GTF2F2: variants seen among roughly 807,000 people sequenced by gnomAD.
GTF2F2 encodes the protein general transcription factor IIF subunit 2.
Under a neutral mutation model 42.2 loss-of-function variants are expected in GTF2F2, and 23 were observed. That is an observed-to-expected ratio of 0.55 (90% CI 0.39 to 0.77). GTF2F2 has a LOEUF of 0.77. Ranked by LOEUF, GTF2F2 falls within the 30% of genes least tolerant of loss-of-function variation. The probability of loss-of-function intolerance (pLI) is 0.00; values close to 1 mark genes in which losing one functional copy is unlikely to be tolerated. For missense variants in GTF2F2, 261 were observed against 287.2 expected (o/e 0.91, Z 0.66); for synonymous variants, 105 against 100.8 (o/e 1.04, Z -0.25).
At chr13:45,191,255 A>ATATATGGC (rs1260872563) in intron 4 of GTF2F2, among the ~76,000 whole-genome samples, 5 of 136,530 alleles carry the variant, frequency 3.7e-5, no homozygotes, top group African/African-American at 1.2e-4. Flanking sequence ...ATATATATAT[A>ATATATGGC]GCCATAATCT....
At chr13:45,173,520 C>T (rs1871702133) in intron 4 of GTF2F2, among the ~76,000 whole-genome samples, 1 of 151,972 alleles carries the variant, frequency 6.6e-6, no homozygotes, top group Non-Finnish European at 1.5e-5. Flanking sequence ...GTGCCACCTT[C>T]CTCCTAACCA....
intron 4 of GTF2F2, among the ~76,000 whole-genome samples, chr13:45,202,133 TC>T (rs1273187524): frequency 6.6e-6 from 1 of 152,160 alleles, no homozygotes; most frequent in Non-Finnish European, 1.5e-5. Flanking sequence ...ACACCTGTAA[TC>T]CTAGCACTTT....
intron 6 of GTF2F2, among the ~76,000 whole-genome samples, chr13:45,259,727 G>C (rs927193892): frequency 7.3e-6 from 1 of 137,466 alleles, no homozygotes; most frequent in Non-Finnish European, 1.5e-5. Flanking sequence ...GCACAATCTC[G>C]GCTCACTGCA....
intron 2 of GTF2F2, among the ~76,000 whole-genome samples, chr13:45,146,272 G>T (rs1158967039): frequency 1.3e-5 from 2 of 152,144 alleles, no homozygotes; most frequent in African/African-American, 2.4e-5. Flanking sequence ...AAGGCAGGAG[G>T]ATCACTTGAG....
intron 5 of GTF2F2, among the ~76,000 whole-genome samples, chr13:45,248,248 G>A (rs917427396): frequency 6.6e-6 from 1 of 152,126 alleles, no homozygotes; most frequent in Non-Finnish European, 1.5e-5. Flanking sequence ...GTGACAAATA[G>A]ATATGCGTGA....
intron 5 of GTF2F2, among the ~76,000 whole-genome samples, chr13:45,218,105 G>T (rs920911788): frequency 1.3e-5 from 2 of 152,182 alleles, no homozygotes; most frequent in East Asian, 3.8e-4. Context: ...TTATAGATTG[G>T]CCCCAAACAC....
In GTF2F2 at chr13:45,281,823, G is replaced by A. The variant is rs371088442; in HGVS notation, c.631-1619G>A. Among the ~76,000 whole-genome samples, 39 of 152,322 alleles carry A rather than the reference G, an allele frequency of 2.6e-4. No individual in the cohort carries two copies. In the South Asian group the frequency reaches 5.4e-3, roughly 21 times the overall value. On this transcript the variant is annotated intron_variant, in intron 7 of 7. Transcript: ENST00000340473. ...CAATGGGATGAGTCATCATCATACCGTAACTAGTTCTTTGAAGCACACGCA... is the reference window on the plus strand; with the variant it reads ...CAATGGGATGAGTCATCATCATACCATAACTAGTTCTTTGAAGCACACGCA...
intron 5 of GTF2F2, among the ~76,000 whole-genome samples, chr13:45,240,811 A>C (rs1458767804): frequency 6.6e-6 from 1 of 151,634 alleles, no homozygotes; most frequent in Non-Finnish European, 1.5e-5. Flanking sequence ...CTGGGTGACA[A>C]GAGGAAAACT....
At chr13:45,204,166 A>T (rs1873325528) in intron 4 of GTF2F2, among the ~76,000 whole-genome samples, 1 of 152,176 alleles carries the variant, frequency 6.6e-6, no homozygotes, top group South Asian at 2.1e-4. Context: ...TTAATTGACA[A>T]GTAAAATTTG....
intron 5 of GTF2F2, among the ~76,000 whole-genome samples, chr13:45,222,181 T>C (rs945278043): frequency 6.6e-6 from 1 of 152,206 alleles, no homozygotes; most frequent in Non-Finnish European, 1.5e-5. Flanking sequence ...CCTAGCATAG[T>C]GTCTCATACA....
At chr13:45,220,503 A>T in intron 5 of GTF2F2, among the ~76,000 whole-genome samples, 1 of 152,190 alleles carries the variant, frequency 6.6e-6, no homozygotes, top group Non-Finnish European at 1.5e-5. Flanking sequence ...AGTATTTTCC[A>T]TACTTATACT....
chr13:45,175,035 A>G (rs1016165969), intron 4 of GTF2F2, among the ~76,000 whole-genome samples: 1 of 152,204 alleles, frequency 6.6e-6, no homozygotes, highest in African/African-American at 2.4e-5. Flanking sequence ...GTGTAATAGA[A>G]CAGTAGAACT....
intron 5 of GTF2F2, among the ~76,000 whole-genome samples, chr13:45,207,721 T>C (rs758117806): frequency 4.6e-5 from 7 of 152,234 alleles, no homozygotes; most frequent in Non-Finnish European, 1.0e-4. Context: ...GCTACTTTGT[T>C]AATACATCCT....
At chr13:45,198,908 T>C (rs898331168) in intron 4 of GTF2F2, among the ~76,000 whole-genome samples, 5 of 152,352 alleles carry the variant, frequency 3.3e-5, no homozygotes, top group Middle Eastern at 3.4e-3. Flanking sequence ...GTCTAATTAT[T>C]GACATGTTTT....
At chr13:45,212,683 A>C (rs1441020525) in intron 5 of GTF2F2, among the ~76,000 whole-genome samples, 2 of 151,720 alleles carry the variant, frequency 1.3e-5, no homozygotes, top group Non-Finnish European at 2.9e-5. Context: ...CTCCTGCCTC[A>C]GTCTCCCAAG....
chr13:45,193,424 A>G, intron 4 of GTF2F2: 1 of 170,258 alleles, frequency 5.9e-6, no homozygotes. Flanking sequence ...ATATTTTATT[A>G]CCATTTACTT....
intron 5 of GTF2F2, among the ~76,000 whole-genome samples, chr13:45,236,406 C>A (rs547373046): frequency 6.6e-6 from 1 of 152,066 alleles, no homozygotes; most frequent in African/African-American, 2.4e-5. Context: ...ATAGTGAAAT[C>A]TCCTGAGTTG....
chr13:45,192,566 T>C (rs1872703101), intron 4 of GTF2F2, among the ~76,000 whole-genome samples: 2 of 152,206 alleles, frequency 1.3e-5, no homozygotes, highest in South Asian at 4.1e-4. Flanking sequence ...ATATATTTTG[T>C]TCTTAGAAGT....
chr13:45,145,588 T>C (rs143825138), intron 2 of GTF2F2, among the ~76,000 whole-genome samples: 1 of 152,382 alleles, frequency 6.6e-6, no homozygotes, highest in East Asian at 1.9e-4. Flanking sequence ...GAGTTTGCAC[T>C]AATATATCCA....
Sources: gnomAD v4.1 joint callset for allele counts (sites outside exome capture counted in the v4.1 genomes callset) on GRCh38, gnomAD v4.1.1 for gene constraint, MANE v1.5 for transcripts, NCBI Gene and HGNC (gene_info 2026-07-23, HGNC 2026-07-21) for gene names.